DCLK1: variants seen among roughly 807,000 people sequenced by gnomAD.
DCLK1 encodes the protein serine/threonine-protein kinase DCLK1.
Under a neutral mutation model 86.2 loss-of-function variants are expected in DCLK1, and 16 were observed. That is an observed-to-expected ratio of 0.19 (90% confidence interval 0.13 to 0.28). The LOEUF is 0.28. Among genes scored for constraint, DCLK1 ranks in the 10% least tolerant of loss-of-function variants. The pLI, the probability that DCLK1 is intolerant of heterozygous loss-of-function variation, is 1.00. For synonymous variants in DCLK1, 369 were observed against 370.5 expected (o/e 1.00, Z 0.05); for missense variants, 590 against 940.2 (o/e 0.63, Z 4.87).
rs2086356681 is a variant in DCLK1 at position 35,772,732 on chromosome 13, A to C, written c.*1803T>G. 6.6e-6 allele frequency: 1 copy of C among 152,208 alleles called. No homozygotes were observed. Among genetic ancestry groups the C allele is most frequent in the South Asian group, 2.1e-4 (1 of 4,828 alleles). The allele number at this position is 152,208 out of a possible 1,614,324, so 9.4% of individuals were successfully genotyped here. A position where few individuals can be genotyped will look rare whatever the true frequency, so the allele number is the denominator to read the frequency against. ...CATGTCAGGACAACACAGACCACAG[A>C]GATGAACCTAAATGTAAAAGAGCAA... On this transcript the variant is annotated 3_prime_UTR_variant, in exon 17 of 17. Transcript: ENST00000360631.
At chr13:35,918,503 T>C (rs1875567541) in intron 4 of DCLK1, among the ~76,000 whole-genome samples, 1 of 152,208 alleles carries the variant, frequency 6.6e-6, no homozygotes. Context: ...TTCCATGGAC[T>C]GGACTCTCTC....
At chr13:35,835,650 T>A (rs1293458659) in intron 8 of DCLK1, among the ~76,000 whole-genome samples, 1 of 152,230 alleles carries the variant, frequency 6.6e-6, no homozygotes, top group Non-Finnish European at 1.5e-5. Context: ...ATGTATTTCA[T>A]CCTATGCTAG....
At chr13:35,983,661 C>A (rs1288976291) in intron 3 of DCLK1, among the ~76,000 whole-genome samples, 2 of 152,172 alleles carry the variant, frequency 1.3e-5, no homozygotes, top group Non-Finnish European at 2.9e-5. Flanking sequence ...AATGGATACC[C>A]CATTCTCCAT....
chr13:36,111,359 CCTTTAAAG>C (rs1416246546), intron 3 of DCLK1, among the ~76,000 whole-genome samples: 5 of 152,100 alleles, frequency 3.3e-5, no homozygotes, highest in Non-Finnish European at 5.9e-5. Context: ...TAGAAATATG[CCTTTAAAG>C]CTATCCAGAT....
intron 3 of DCLK1, among the ~76,000 whole-genome samples, chr13:36,025,229 A>G (rs1486922890): frequency 1.3e-5 from 2 of 152,076 alleles, no homozygotes; most frequent in Admixed American, 6.5e-5. Flanking sequence ...CGGCCTCCCA[A>G]AGTGTTGGAA....
At position 35,896,504 on chromosome 13, in the gene DCLK1, C is replaced by A. The variant is rs1182819811; in HGVS notation, c.824-25164G>T. Reference sequence around the variant, plus strand: ...AGTGAGCAAAGATTGCGCCATTGCACCCCAGCCGGGGCAACAAAAGCAAAA... The same window carrying A: ...AGTGAGCAAAGATTGCGCCATTGCAACCCAGCCGGGGCAACAAAAGCAAAA... On this transcript the variant is annotated intron_variant, in intron 4 of 16. Coordinates refer to ENST00000360631, the MANE Select transcript of DCLK1 (RefSeq NM_001330071.2). Among the ~76,000 whole-genome samples the A allele has an allele frequency of 4.2e-5, 6 of 144,468 alleles. No homozygotes were observed. The East Asian group carries it at 8.0e-4, about 19-fold the overall frequency. The allele number at this position is 144,468 out of a possible 152,430, so 94.8% of individuals were successfully genotyped here. A position where few individuals can be genotyped will look rare whatever the true frequency, so the allele number is the denominator to read the frequency against.
intron 14 of DCLK1, 95 bp from the exon 15 acceptor site, chr13:35,805,874 A>C: frequency 8.9e-7 from 1 of 1,128,608 alleles, no homozygotes; most frequent in Non-Finnish European, 1.3e-6. Context: ...TTCGAAAAGC[A>C]TTTGTAAAAG....
intron 3 of DCLK1, among the ~76,000 whole-genome samples, chr13:36,057,888 T>C (rs961333275): frequency 6.6e-6 from 1 of 152,186 alleles, no homozygotes; most frequent in Non-Finnish European, 1.5e-5. Flanking sequence ...CATATGCTTC[T>C]GGGACAAAGA....
chr13:35,997,531 C>T (rs1463200143), intron 3 of DCLK1, among the ~76,000 whole-genome samples: 1 of 152,192 alleles, frequency 6.6e-6, no homozygotes, highest in Non-Finnish European at 1.5e-5. Context: ...CACATGTTTA[C>T]ATCTATCAAT....
chr13:35,912,093 A>G (rs189390901), intron 4 of DCLK1, among the ~76,000 whole-genome samples: 1 of 152,150 alleles, frequency 6.6e-6, no homozygotes, highest in African/African-American at 2.4e-5. Context: ...AAGCTCAATC[A>G]ATCAATCACG....
rs1035020141 is a variant in DCLK1 at position 36,093,747 on chromosome 13, A to G, written c.723+18122T>C. Among the ~76,000 whole-genome samples the G allele has an allele frequency of 2.6e-5, 4 of 151,994 alleles. No individual in the cohort carries two copies. The East Asian group carries it at 7.7e-4, about 29-fold the overall frequency. ...TAAGGAATTTTAGAATAATTTTGAC[A>G]TTTTTTAGTGATAGTTATTTAAAAT... On this transcript the variant is annotated intron_variant, in intron 3 of 16. Transcript: ENST00000360631.
chr13:35,802,069 A>G (rs1357737132), intron 15 of DCLK1, among the ~76,000 whole-genome samples: 1 of 151,982 alleles, frequency 6.6e-6, no homozygotes, highest in African/African-American at 2.4e-5. Flanking sequence ...TGTTCTCACT[A>G]CCCTGGAACT....
At chr13:35,958,117 C>T (rs975872707) in intron 3 of DCLK1, among the ~76,000 whole-genome samples, 8 of 2,292 alleles carry the variant, frequency 3.5e-3, no homozygotes, top group South Asian at 0.016. Flanking sequence ...ACCATCACCA[C>T]CACCACTACC....
chr13:35,950,804 G>A (rs552990853), intron 3 of DCLK1, among the ~76,000 whole-genome samples: 11 of 152,180 alleles, frequency 7.2e-5, no homozygotes, highest in African/African-American at 2.6e-4. Flanking sequence ...TACCTCCCAG[G>A]AGAGTTGATG....
At chr13:36,002,826 T>A (rs1364081029) in intron 3 of DCLK1, among the ~76,000 whole-genome samples, 1 of 152,224 alleles carries the variant, frequency 6.6e-6, no homozygotes, top group Non-Finnish European at 1.5e-5. Flanking sequence ...ATTAACTTAA[T>A]AAATTATAAA....
intron 4 of DCLK1, among the ~76,000 whole-genome samples, chr13:35,908,623 C>A (rs1031586329): frequency 6.6e-6 from 1 of 152,122 alleles, no homozygotes; most frequent in African/African-American, 2.4e-5. Flanking sequence ...GGATTTCAGG[C>A]AGAAAGGTAG....
chr13:36,083,971 C>A (rs1209868337), intron 3 of DCLK1, among the ~76,000 whole-genome samples: 1 of 152,130 alleles, frequency 6.6e-6, no homozygotes, highest in Non-Finnish European at 1.5e-5. Flanking sequence ...TTAGAATGTG[C>A]TAGAAAAATA....
intron 15 of DCLK1, among the ~76,000 whole-genome samples, chr13:35,800,464 T>C (rs918624897): frequency 6.6e-6 from 1 of 152,210 alleles, no homozygotes; most frequent in South Asian, 2.1e-4. Flanking sequence ...GATGGCTTTG[T>C]TCATGTGGCT....
chr13:35,945,750 G>A (rs895961435), intron 4 of DCLK1, among the ~76,000 whole-genome samples: 1 of 152,222 alleles, frequency 6.6e-6, no homozygotes, highest in Non-Finnish European at 1.5e-5. Flanking sequence ...GGTGGCGTGG[G>A]GGGGACCTTC....
Sources: gnomAD v4.1 joint callset for allele counts (sites outside exome capture counted in the v4.1 genomes callset) on GRCh38, gnomAD v4.1.1 for gene constraint, MANE v1.5 for transcripts, NCBI Gene and HGNC (gene_info 2026-07-23, HGNC 2026-07-21) for gene names.